The following NKAIN2 variants were observed in gnomAD, a reference collection of about 807,000 sequenced individuals.
NKAIN2 encodes the protein sodium/potassium transporting ATPase interacting 2.
Under a neutral mutation model 32.6 loss-of-function variants are expected in NKAIN2, and 14 were observed. The ratio of observed to expected loss-of-function variants is 0.43; its 90% CI spans 0.28 to 0.67. NKAIN2 has a LOEUF of 0.67. Ranked by LOEUF, NKAIN2 falls within the 30% of genes least tolerant of loss-of-function variation. The pLI, the probability that NKAIN2 is intolerant of heterozygous loss-of-function variation, is 0.17. For synonymous variants in NKAIN2, 80 were observed against 87.2 expected, an observed-to-expected ratio of 0.92 and a Z score of 0.46; for missense variants, 198 against 258.3, an observed-to-expected ratio of 0.77 and a Z score of 1.60.
intron 1 of NKAIN2, among the ~76,000 whole-genome samples, chr6:124,080,745 C>G (rs200676655): frequency 6.6e-6 from 1 of 151,322 alleles, no homozygotes; most frequent in African/African-American, 2.4e-5. Context: ...CACTCCCCCC[C>G]TCCAAGATCT....
At chr6:124,373,560 G>A (rs2114336994) in intron 3 of NKAIN2, among the ~76,000 whole-genome samples, 1 of 152,226 alleles carries the variant, frequency 6.6e-6, no homozygotes, top group African/African-American at 2.4e-5. Flanking sequence ...GAGACACTTA[G>A]GGAAAGGAAG....
rs528948555 is a variant in NKAIN2, at chr6:124,823,432, C to T, written c.*203C>T. 2 of 526,656 alleles carry T rather than the reference C, an allele frequency of 3.8e-6. No homozygotes were observed. The highest frequency in any genetic ancestry group is 6.1e-5 in the South Asian group (2 of 33,030). The allele number at this position is 526,656 out of a possible 1,614,324, so 32.6% of individuals were successfully genotyped here. On this transcript the variant is annotated 3_prime_UTR_variant, in exon 7 of 7. Coordinates refer to ENST00000368417, the MANE Select transcript of NKAIN2 (RefSeq NM_001040214.3). The stretch of plus-strand genomic sequence containing the variant: ...CGCACACACCAATTCCACTTGACCT[C>T]CTCTTTCTAACTGAAACAGACAAAT...
chr6:124,316,920 T>C (rs926699102), intron 2 of NKAIN2, among the ~76,000 whole-genome samples: 6 of 152,114 alleles, frequency 3.9e-5, no homozygotes, highest in Non-Finnish European at 8.8e-5. Context: ...ATATTAAATG[T>C]GTTGTGTTGC....
At chr6:123,938,551 T>C (rs935601814) in intron 1 of NKAIN2, among the ~76,000 whole-genome samples, 2 of 141,092 alleles carry the variant, frequency 1.4e-5, no homozygotes, top group African/African-American at 5.1e-5. Flanking sequence ...ATATTATATA[T>C]TTATATATTT....
intron 1 of NKAIN2, among the ~76,000 whole-genome samples, chr6:124,069,612 C>A (rs969536436): frequency 6.6e-6 from 1 of 152,174 alleles, no homozygotes; most frequent in African/African-American, 2.4e-5. Flanking sequence ...GACAGGTGAC[C>A]TACAGCAAGT....
chr6:124,346,804 C>T (rs933488340), intron 2 of NKAIN2, among the ~76,000 whole-genome samples: 10 of 151,868 alleles, frequency 6.6e-5, no homozygotes, highest in South Asian at 2.1e-4. Context: ...CCAGTCTGTG[C>T]CTTTTAATTG....
At chr6:124,727,416 G>C (rs1297789051) in intron 4 of NKAIN2, among the ~76,000 whole-genome samples, 1 of 151,334 alleles carries the variant, frequency 6.6e-6, no homozygotes, top group Non-Finnish European at 1.5e-5. Flanking sequence ...CATTCTTAAA[G>C]AAAAGAATTT....
At chr6:124,770,111 A>G (rs1388059378) in intron 4 of NKAIN2, among the ~76,000 whole-genome samples, 1 of 152,220 alleles carries the variant, frequency 6.6e-6, no homozygotes, top group Non-Finnish European at 1.5e-5. Flanking sequence ...AATAGAGTAC[A>G]TATTTGCTTT....
rs552409202 is a variant in NKAIN2 at position 123,972,276 on chromosome 6, G to A, written c.54+168022G>A. Among the ~76,000 whole-genome samples the A allele has an allele frequency of 2.8e-4, 42 of 152,198 alleles. No homozygotes were observed. In the South Asian group the frequency reaches 8.5e-3, roughly 31 times the overall value. On this transcript the variant is annotated intron_variant, in intron 1 of 6. Coordinates refer to ENST00000368417, the MANE Select transcript of NKAIN2 (RefSeq NM_001040214.3). ...GAAAGCCAAAAGTTACTGTGTGAGG[G>A]GTTGGCACCCATAACCTCCATATTG...
At chr6:124,645,400 G>C (rs1044331892) in intron 3 of NKAIN2, among the ~76,000 whole-genome samples, 1 of 152,142 alleles carries the variant, frequency 6.6e-6, no homozygotes, top group Admixed American at 6.5e-5. Flanking sequence ...TTGAGGCACA[G>C]GTCAGCATCA....
At chr6:124,412,715 A>G (rs1774261339) in intron 3 of NKAIN2, among the ~76,000 whole-genome samples, 1 of 152,188 alleles carries the variant, frequency 6.6e-6, no homozygotes, top group Non-Finnish European at 1.5e-5. Flanking sequence ...AGACAGGGAC[A>G]TTTAAGTCTG....
At chr6:124,685,036 A>G (rs554673094) in intron 4 of NKAIN2, among the ~76,000 whole-genome samples, 4 of 152,252 alleles carry the variant, frequency 2.6e-5, no homozygotes, top group African/African-American at 7.2e-5. Context: ...GTTACTTTAT[A>G]TATTGGGGTC....
intron 1 of NKAIN2, among the ~76,000 whole-genome samples, chr6:124,087,772 G>A (rs982743876): frequency 1.3e-5 from 2 of 151,978 alleles, no homozygotes; most frequent in Non-Finnish European, 2.9e-5. Flanking sequence ...TGCCTTGAAT[G>A]TCTTAAATTA....
At chr6:123,861,203 T>C (rs1775774044) in intron 1 of NKAIN2, among the ~76,000 whole-genome samples, 1 of 152,194 alleles carries the variant, frequency 6.6e-6, no homozygotes, top group Admixed American at 6.5e-5. Context: ...TAATAAATAC[T>C]TCTAATAAAT....
chr6:124,005,188 G>T (rs1160044610), intron 1 of NKAIN2, among the ~76,000 whole-genome samples: 1 of 152,138 alleles, frequency 6.6e-6, no homozygotes, highest in Non-Finnish European at 1.5e-5. Context: ...TCTCGCCATT[G>T]TACTCCAGCC....
At chr6:124,673,936 CAAAG>C (rs1773229351) in intron 4 of NKAIN2, among the ~76,000 whole-genome samples, 1 of 151,840 alleles carries the variant, frequency 6.6e-6, no homozygotes, top group Non-Finnish European at 1.5e-5. Flanking sequence ...TATTTCATAT[CAAAG>C]AAATCATTAC....
At chr6:124,294,566 C>G (rs1483676819) in intron 2 of NKAIN2, among the ~76,000 whole-genome samples, 1 of 152,104 alleles carries the variant, frequency 6.6e-6, no homozygotes, top group African/African-American at 2.4e-5. Flanking sequence ...TACAAAACCC[C>G]TTTTGTATAA....
intron 4 of NKAIN2, among the ~76,000 whole-genome samples, chr6:124,698,842 C>T (rs1271304766): frequency 1.3e-5 from 2 of 152,176 alleles, no homozygotes; most frequent in African/African-American, 2.4e-5. Context: ...AGAAGGTCAT[C>T]ATATTCATTT....
At chr6:124,174,554 C>T (rs1168307692) in intron 1 of NKAIN2, among the ~76,000 whole-genome samples, 1 of 152,142 alleles carries the variant, frequency 6.6e-6, no homozygotes, top group Non-Finnish European at 1.5e-5. Flanking sequence ...CAGAGTTGTT[C>T]TGGGATTCAG....
Sources: allele counts gnomAD v4.1 joint callset (sites outside exome capture counted in the v4.1 genomes callset), GRCh38; gene constraint gnomAD v4.1.1; transcripts MANE v1.5; gene names NCBI Gene and HGNC (gene_info 2026-07-23, HGNC 2026-07-21).